The following DBNDD1 variants were observed in gnomAD, a reference collection of about 807,000 sequenced individuals.
DBNDD1 encodes dysbindin domain-containing protein 1.
A neutral mutation model predicts 17.0 loss-of-function variants in DBNDD1; 14 were observed. The observed-to-expected ratio is 0.82, with a 90% CI of 0.54 to 1.29. DBNDD1 has a LOEUF of 1.29. Among genes scored for constraint, DBNDD1 ranks in the 50% most tolerant of loss-of-function variants. The pLI is 0.00. For missense variants in DBNDD1, 221 were observed against 216.2 expected, an observed-to-expected ratio of 1.02 and a Z score of -0.14; for synonymous variants, 105 against 102.0, an observed-to-expected ratio of 1.03 and a Z score of -0.18.
intron 1 of DBNDD1, among the ~76,000 whole-genome samples, chr16:90,018,617 C>G (rs1454768976): frequency 6.6e-6 from 1 of 152,218 alleles, no homozygotes; most frequent in African/African-American, 2.4e-5. Flanking sequence ...AGTCTCTGAT[C>G]GGGAAGGGGG....
rs555337708 is a variant in DBNDD1 at position 90,018,913 on chromosome 16, C to T, written c.31+398G>A. Reference sequence around the variant, plus strand: ...CTCGCGGCTGGGCGAACAAAGCGGACGCGCTTGCAAGCGGCCAGCGTCGCC... The same window carrying T: ...CTCGCGGCTGGGCGAACAAAGCGGATGCGCTTGCAAGCGGCCAGCGTCGCC... On this transcript the variant is annotated intron_variant, in intron 1 of 3. Transcript: ENST00000002501. Among the ~76,000 whole-genome samples, 596 of 152,324 alleles carry T rather than the reference C, an allele frequency of 3.9e-3. 1 individual carries two copies. Among genetic ancestry groups the T allele is most frequent in the African/African-American group, 0.013 (548 of 41,580 alleles).
intron 1 of DBNDD1, among the ~76,000 whole-genome samples, chr16:90,018,319 C>T (rs1168660392): frequency 6.6e-6 from 1 of 152,250 alleles, no homozygotes; most frequent in Non-Finnish European, 1.5e-5. Flanking sequence ...GCATTTGTCC[C>T]TATACCTTGG....
chr16:90,019,616 C>A (rs1185098972), upstream of DBNDD1: 1 of 377,418 alleles, frequency 2.6e-6, no homozygotes, highest in Non-Finnish European at 4.7e-6. This position sits in a 1 kb window ranked among gnomAD's most constrained non-coding sequence, Gnocchi z 6.1. Context: ...GCCCAGCGGA[C>A]CCCTCCCCCG....
chr16:90,014,569 AG>A (rs111682518), intron 1 of DBNDD1, among the ~76,000 whole-genome samples: 3,848 of 152,178 alleles, frequency 0.025, 53 homozygotes, highest in Middle Eastern at 0.13. Flanking sequence ...TGCACTGGAG[AG>A]GGGGCATGCG....
chr16:90,006,751 C>G (rs2035435842), intron 3 of DBNDD1: 3 of 488,956 alleles, frequency 6.1e-6, no homozygotes, highest in Non-Finnish European at 7.4e-6. Context: ...ATAGTCTAGG[C>G]TGAGCCTCTC....
chr16:90,019,851 G>A (rs1425052717), upstream of DBNDD1: 10 of 643,488 alleles, frequency 1.6e-5, no homozygotes, highest in Middle Eastern at 5.0e-4. This position sits in a 1 kb window ranked among gnomAD's most constrained non-coding sequence, Gnocchi z 6.1. Context: ...CTCGCGCTGG[G>A]TAATGACAGA....
intron 1 of DBNDD1, among the ~76,000 whole-genome samples, chr16:90,011,275 GTCC>G (rs777669315): frequency 4.4e-4 from 67 of 152,350 alleles, no homozygotes; most frequent in Middle Eastern, 3.4e-3. Flanking sequence ...GGGTGGGCCT[GTCC>G]TCCCCCGTGG....
intron 1 of DBNDD1, among the ~76,000 whole-genome samples, chr16:90,017,217 C>T (rs62054581): frequency 0.13 from 20,133 of 152,258 alleles, 2,349 homozygotes; most frequent in East Asian, 0.62. Context: ...CCTATTTTGC[C>T]GGGCATGGTG....
At chr16:90,009,158 T>C in intron 2 of DBNDD1, 126 bp downstream of exon 2, 2 of 1,413,348 alleles carry the variant, frequency 1.4e-6, no homozygotes, top group Non-Finnish European at 1.9e-6. Context: ...TGCAAGAGCC[T>C]AGCACACAGC....
intron 1 of DBNDD1, among the ~76,000 whole-genome samples, chr16:90,011,200 C>T (rs1467911945): frequency 2.0e-5 from 3 of 152,256 alleles, no homozygotes; most frequent in Non-Finnish European, 2.9e-5. Context: ...GGAGCAGCTG[C>T]TGCCATGAGG....
At chr16:90,009,004 T>C (rs2241084) in intron 2 of DBNDD1, 80 bp from the exon 3 acceptor site, 1,223,568 of 1,449,160 alleles carry the variant, frequency 0.84, 524,090 homozygotes, top group African/African-American at 0.96. Context: ...GGAGAGAGTG[T>C]GCTGTGTCCT....
In DBNDD1 at chr16:90,015,843, G is replaced by C. The variant is rs553657111; in HGVS notation, c.31+3468C>G. 3.9e-5 allele frequency among the ~76,000 whole-genome samples: 6 copies of C among 152,270 alleles called. 1 individual carries two copies. In the South Asian group the frequency reaches 1.2e-3, roughly 32 times the overall value. On this transcript the variant is annotated intron_variant, in intron 1 of 3. Coordinates refer to ENST00000002501, the MANE Select transcript of DBNDD1 (RefSeq NM_001042610.3). Reference sequence around the variant, plus strand: ...TCCATCAGTGATCGTCAGAGGCTGGGGGGTGGGCAGTGGAGAAGGGGAGAA... The same window carrying C: ...TCCATCAGTGATCGTCAGAGGCTGGCGGGTGGGCAGTGGAGAAGGGGAGAA...
At chr16:90,009,711 C>A in intron 1 of DBNDD1, 1 of 625,802 alleles carries the variant, frequency 1.6e-6, no homozygotes, top group Non-Finnish European at 2.7e-6. Flanking sequence ...CCCATGAAAG[C>A]CGACCATGCA....
chr16:90,007,483 A>C (rs957780134), intron 3 of DBNDD1: 12 of 152,290 alleles, frequency 7.9e-5, no homozygotes, highest in African/African-American at 2.9e-4. Flanking sequence ...TCGCATCCTC[A>C]TGAGTCCTGT....
chr16:90,013,541 C>G (rs1210396592), intron 1 of DBNDD1, among the ~76,000 whole-genome samples: 2 of 152,106 alleles, frequency 1.3e-5, no homozygotes, highest in Non-Finnish European at 2.9e-5. Flanking sequence ...AACCAGGGAT[C>G]CCGGTTCAGG....
chr16:90,017,752 A>G (rs2035666628), intron 1 of DBNDD1, among the ~76,000 whole-genome samples: 4 of 152,228 alleles, frequency 2.6e-5, no homozygotes, highest in Admixed American at 6.5e-5. Flanking sequence ...CAAAGTAGGC[A>G]TCACTGGCCA....
At chr16:90,018,962 C>G (rs910943465) in intron 1 of DBNDD1, among the ~76,000 whole-genome samples, 1 of 152,216 alleles carries the variant, frequency 6.6e-6, no homozygotes, top group African/African-American at 2.4e-5. Context: ...GACAGGGACC[C>G]CAAACTCCAG....
intron 1 of DBNDD1, among the ~76,000 whole-genome samples, chr16:90,011,974 C>T (rs1483417243): frequency 6.6e-6 from 1 of 152,202 alleles, no homozygotes; most frequent in Non-Finnish European, 1.5e-5. Context: ...ACAGTGTAGA[C>T]CAAAGCCCCA....
chr16:90,013,471 G>A (rs543403204), intron 1 of DBNDD1, among the ~76,000 whole-genome samples: 1 of 152,174 alleles, frequency 6.6e-6, no homozygotes, highest in South Asian at 2.1e-4. Flanking sequence ...GGCCAGGGAC[G>A]CAGCTGGAGC....
Sources: gnomAD v4.1 joint callset for allele counts (sites outside exome capture counted in the v4.1 genomes callset) on GRCh38, gnomAD v4.1.1 for gene constraint, Gnocchi (gnomAD v3.1) non-coding constraint, MANE v1.5 for transcripts, NCBI Gene and HGNC (gene_info 2026-07-23, HGNC 2026-07-21) for gene names.